The following KIAA1217 variants were observed in gnomAD, a reference collection of about 807,000 sequenced individuals.
KIAA1217 encodes KIAA1217, also known as sickle tail protein homolog.
A neutral mutation model predicts 163.9 loss-of-function variants in KIAA1217; 88 were observed. The observed-to-expected ratio is 0.54, with a 90% confidence interval of 0.45 to 0.64. KIAA1217 has a LOEUF of 0.64. Ranked by LOEUF, KIAA1217 falls within the 30% of genes least tolerant of loss-of-function variation. The probability of loss-of-function intolerance (pLI) is 0.00; values close to 1 mark genes in which losing one functional copy is unlikely to be tolerated. For synonymous variants in KIAA1217, 903 were observed against 923.1 expected, an observed-to-expected ratio of 0.98 and a Z score of 0.39; for missense variants, 2,372 against 2,475.0, an observed-to-expected ratio of 0.96 and a Z score of 0.88.
At chr10:24,161,597 T>C (rs1487949824) in intron 2 of KIAA1217, among the ~76,000 whole-genome samples, 1 of 152,222 alleles carries the variant, frequency 6.6e-6, no homozygotes, top group Non-Finnish European at 1.5e-5. Context: ...GGTATAAAGA[T>C]ATAAAGTTAT....
chr10:24,379,586 A>T (rs1383480213), intron 2 of KIAA1217, among the ~76,000 whole-genome samples: 1 of 152,080 alleles, frequency 6.6e-6, no homozygotes, highest in Admixed American at 6.5e-5. Context: ...GGATAATGCA[A>T]TTGGTTCTGT....
intron 10 of KIAA1217, among the ~76,000 whole-genome samples, chr10:24,514,584 G>C (rs901272056): frequency 1.3e-5 from 2 of 152,146 alleles, no homozygotes; most frequent in African/African-American, 4.8e-5. Context: ...TTTATAGACA[G>C]AGTTAATCAC....
chr10:24,279,253 G>T lies in KIAA1217; in HGVS notation c.354+59344G>T, dbSNP rs371771700. Among the ~76,000 whole-genome samples, 129 of 67,576 alleles carry T rather than the reference G, an allele frequency of 1.9e-3. No homozygotes were observed. In the East Asian group the frequency reaches 0.027, roughly 14 times the overall value. 44.3% of individuals were successfully genotyped at this position (67,576 alleles called of 152,430 possible). ...CTAGTGTCTGTTTTTTTTTTTGTTGGTGGTGGTGGTGTTTTTGTTTGTTTG... is the reference window on the plus strand; with the variant it reads ...CTAGTGTCTGTTTTTTTTTTTGTTGTTGGTGGTGGTGTTTTTGTTTGTTTG... On this transcript the variant is annotated intron_variant, in intron 2 of 20. Coordinates refer to ENST00000376454, the MANE Select transcript of KIAA1217 (RefSeq NM_019590.5).
At chr10:24,129,577 C>T (rs1321755513) in intron 2 of KIAA1217, among the ~76,000 whole-genome samples, 1 of 152,174 alleles carries the variant, frequency 6.6e-6, no homozygotes, top group African/African-American at 2.4e-5. Flanking sequence ...ACTCCTGCCA[C>T]TCTCATGATT....
chr10:24,410,036 G>A (rs1342099681), intron 3 of KIAA1217, among the ~76,000 whole-genome samples: 1 of 121,952 alleles, frequency 8.2e-6, no homozygotes, highest in Non-Finnish European at 1.6e-5. Context: ...TCATTCTGTC[G>A]CCCAGGCTGA....
intron 2 of KIAA1217, among the ~76,000 whole-genome samples, chr10:24,283,316 C>T (rs2078172109): frequency 6.6e-6 from 1 of 152,136 alleles, no homozygotes; most frequent in African/African-American, 2.4e-5. Context: ...TGGCAATATG[C>T]ATTTAAGATT....
At chr10:23,807,686 C>T (rs955576055) in intron 1 of KIAA1217, among the ~76,000 whole-genome samples, 1 of 152,138 alleles carries the variant, frequency 6.6e-6, no homozygotes, top group African/African-American at 2.4e-5. Context: ...CACTTCAGCA[C>T]ACAGCCACAT....
At chr10:24,000,583 T>C (rs11013841) in intron 1 of KIAA1217, among the ~76,000 whole-genome samples, 2,797 of 152,342 alleles carry the variant, frequency 0.018, 52 homozygotes, top group Non-Finnish European at 0.022. Flanking sequence ...ACATCGGGCA[T>C]TGAGTAACAC....
At position 24,161,613 on chromosome 10, in the gene KIAA1217, T is replaced by C. The variant is rs74614735; in HGVS notation, c.-170-58013T>C. ...GTATAAAGATATAAAGTTATAAAGATATAAGTTGAGAACACAATACTCAAA... is the reference window on the plus strand; with the variant it reads ...GTATAAAGATATAAAGTTATAAAGACATAAGTTGAGAACACAATACTCAAA... On this transcript the variant is annotated intron_variant, in intron 2 of 18. Transcript: ENST00000376462. 7.9e-3 allele frequency among the ~76,000 whole-genome samples: 1,205 copies of C among 152,330 alleles called. 9 individuals carry two copies. Among genetic ancestry groups the C allele is most frequent in the African/African-American group, 0.027 (1,102 of 41,562 alleles).
intron 2 of KIAA1217, among the ~76,000 whole-genome samples, chr10:24,138,494 CT>C (rs1468671086): frequency 6.6e-6 from 1 of 152,018 alleles, no homozygotes; most frequent in Non-Finnish European, 1.5e-5. Flanking sequence ...TATGATTAGA[CT>C]TTTTTCATTA....
chr10:24,034,235 G>A (rs959375953), intron 2 of KIAA1217, among the ~76,000 whole-genome samples: 2 of 152,182 alleles, frequency 1.3e-5, no homozygotes, highest in African/African-American at 4.8e-5. Flanking sequence ...CATAACAAGT[G>A]GGGGTCTTCT....
intron 2 of KIAA1217, among the ~76,000 whole-genome samples, chr10:24,077,646 G>C (rs552452148): frequency 1.2e-3 from 184 of 152,310 alleles, no homozygotes; most frequent in Non-Finnish European, 2.4e-3. Context: ...GAACACACCC[G>C]TGTGTGTATC....
intron 1 of KIAA1217, among the ~76,000 whole-genome samples, chr10:23,861,110 A>T (rs1451443993): frequency 6.6e-6 from 1 of 151,780 alleles, no homozygotes; most frequent in African/African-American, 2.4e-5. Flanking sequence ...ACGGAGTTTC[A>T]CCATGTTGTC....
intron 1 of KIAA1217, among the ~76,000 whole-genome samples, chr10:23,847,788 A>T (rs951074523): frequency 2.0e-5 from 3 of 151,732 alleles, no homozygotes; most frequent in Non-Finnish European, 4.4e-5. Flanking sequence ...TTGCTTCTCT[A>T]GTTCTTTCAA....
At chr10:24,161,128 G>T (rs923332176) in intron 2 of KIAA1217, among the ~76,000 whole-genome samples, 1 of 152,168 alleles carries the variant, frequency 6.6e-6, no homozygotes, top group East Asian at 1.9e-4. Flanking sequence ...ATACTCAGGA[G>T]AAGTCTTGTG....
At chr10:24,369,521 G>A in intron 2 of KIAA1217, among the ~76,000 whole-genome samples, 1 of 152,064 alleles carries the variant, frequency 6.6e-6, no homozygotes, top group East Asian at 1.9e-4. Flanking sequence ...CTTTGGTTTG[G>A]CAACAATGCA....
chr10:23,857,972 G>A (rs1839777172), intron 1 of KIAA1217, among the ~76,000 whole-genome samples: 1 of 151,664 alleles, frequency 6.6e-6, no homozygotes, highest in Non-Finnish European at 1.5e-5. Context: ...AAAAAAAGAG[G>A]GGTGGGCCAG....
chr10:24,211,011 A>G (rs2366908), intron 1 of KIAA1217, among the ~76,000 whole-genome samples: 89,062 of 151,428 alleles, frequency 0.59, 26,463 homozygotes, highest in East Asian at 0.68. Flanking sequence ...ATACTTCTCC[A>G]TTATTTATGT....
intron 1 of KIAA1217, among the ~76,000 whole-genome samples, chr10:23,825,672 A>C (rs1383659826): frequency 1.3e-5 from 2 of 152,236 alleles, no homozygotes; most frequent in East Asian, 3.8e-4. Context: ...GTTCTGAATA[A>C]TATATGCGTT....
Sources: allele counts gnomAD v4.1 joint callset (sites outside exome capture counted in the v4.1 genomes callset), GRCh38; gene constraint gnomAD v4.1.1; transcripts MANE v1.5; gene names NCBI Gene and HGNC (gene_info 2026-07-23, HGNC 2026-07-21).